Variants in FBXL7 observed in about 807,000 individuals in gnomAD.
FBXL7 encodes the protein F-box and leucine rich repeat protein 7, also known as F-box/LRR-repeat protein 7.
FBXL7 carries 12 observed loss-of-function variants against 38.3 expected under a neutral mutation model. The ratio of observed to expected loss-of-function variants is 0.31; its 90% CI spans 0.20 to 0.51. The LOEUF is 0.51. Ranked by LOEUF, FBXL7 falls within the 20% of genes least tolerant of loss-of-function variation. FBXL7 has a pLI of 0.98. For missense variants in FBXL7, 567 were observed against 676.4 expected (o/e 0.84, Z 1.79); for synonymous variants, 297 against 300.9 (o/e 0.99, Z 0.13).
At chr5:15,882,676 T>G (rs1022303029) in intron 2 of FBXL7, among the ~76,000 whole-genome samples, 2 of 152,190 alleles carry the variant, frequency 1.3e-5, no homozygotes, top group Admixed American at 6.5e-5. Flanking sequence ...CCAAATGGCC[T>G]TTAATGCAAG....
intron 2 of FBXL7, among the ~76,000 whole-genome samples, chr5:15,755,832 G>C (rs58734437): frequency 0.022 from 3,422 of 152,232 alleles, 87 homozygotes; most frequent in East Asian, 0.067. Flanking sequence ...ACCTGAGAAA[G>C]GCTGGCACTG....
chr5:15,769,435 C>T (rs552678647), intron 2 of FBXL7, among the ~76,000 whole-genome samples: 1 of 152,336 alleles, frequency 6.6e-6, no homozygotes, highest in Non-Finnish European at 1.5e-5. Flanking sequence ...CCATGCGCTA[C>T]TCATCTGAAG....
intron 1 of FBXL7, among the ~76,000 whole-genome samples, chr5:15,570,492 T>C (rs1051284064): frequency 6.6e-6 from 1 of 152,214 alleles, no homozygotes; most frequent in African/African-American, 2.4e-5. Context: ...TTCTTCCTTT[T>C]CTTCTTTATT....
At chr5:15,623,752 A>G (rs142400825) in intron 2 of FBXL7, among the ~76,000 whole-genome samples, 2 of 152,348 alleles carry the variant, frequency 1.3e-5, no homozygotes, top group African/African-American at 4.8e-5. Flanking sequence ...ACAATTCAAC[A>G]AACATTTTTG....
At chr5:15,659,199 T>G (rs1258930112) in intron 2 of FBXL7, among the ~76,000 whole-genome samples, 1 of 151,888 alleles carries the variant, frequency 6.6e-6, no homozygotes, top group Admixed American at 6.6e-5. Context: ...TGGGAGAAGA[T>G]AATTATAATC....
intron 2 of FBXL7, among the ~76,000 whole-genome samples, chr5:15,839,895 A>T (rs1044314718): frequency 5.3e-5 from 8 of 152,168 alleles, no homozygotes; most frequent in African/African-American, 1.7e-4. Flanking sequence ...CTGCTTAATA[A>T]AAGAAGAAAA....
At chr5:15,568,954 T>G (rs1392380668) in intron 1 of FBXL7, among the ~76,000 whole-genome samples, 1 of 152,228 alleles carries the variant, frequency 6.6e-6, no homozygotes, top group Admixed American at 6.5e-5. Flanking sequence ...TCTATATCTC[T>G]GTTTTGGTAC....
chr5:15,891,700 A>T (rs1056590815), intron 2 of FBXL7, among the ~76,000 whole-genome samples: 1 of 152,188 alleles, frequency 6.6e-6, no homozygotes. Context: ...TCTGGAGGTG[A>T]CCTCTGAGCC....
intron 2 of FBXL7, among the ~76,000 whole-genome samples, chr5:15,641,878 A>T (rs928749093): frequency 5.3e-5 from 8 of 151,624 alleles, no homozygotes; most frequent in African/African-American, 1.9e-4. Flanking sequence ...TTCAGCCTTC[A>T]TGTTATAATA....
chr5:15,508,857 C>A (rs1377379431), intron 1 of FBXL7, among the ~76,000 whole-genome samples: 1 of 151,970 alleles, frequency 6.6e-6, no homozygotes, highest in South Asian at 2.1e-4. Context: ...TACCAATTTT[C>A]TTTATTTCTT....
chr5:15,895,939 G>A (rs527310502), intron 2 of FBXL7, among the ~76,000 whole-genome samples: 24 of 151,588 alleles, frequency 1.6e-4, no homozygotes, highest in East Asian at 1.4e-3. Flanking sequence ...CCACCGGCCC[G>A]GCCCCTTTTT....
intron 1 of FBXL7, among the ~76,000 whole-genome samples, chr5:15,531,643 G>A (rs1737434743): frequency 1.3e-5 from 2 of 152,248 alleles, no homozygotes; most frequent in Middle Eastern, 3.4e-3. Context: ...ACTCTGAGTG[G>A]TTTCTTATAA....
At chr5:15,836,340 G>C (rs1738591267) in intron 2 of FBXL7, among the ~76,000 whole-genome samples, 1 of 152,130 alleles carries the variant, frequency 6.6e-6, no homozygotes, top group African/African-American at 2.4e-5. Context: ...CATGAAAAAT[G>C]AGACAAATTA....
At position 15,912,404 on chromosome 5, in the gene FBXL7, A is replaced by G. The variant is rs1174717392; in HGVS notation, c.128-15486A>G. Among the ~76,000 whole-genome samples, 17 of 141,816 alleles carry G rather than the reference A, an allele frequency of 1.2e-4. 1 individual carries two copies. The South Asian group carries it at 3.6e-3, about 30-fold the overall frequency. The allele number at this position is 141,816 out of a possible 152,430, so 93.0% of individuals were successfully genotyped here. ...CGGCTCGCGCACGGTGCGCACACAC[A>G]CTGGCCTGCGCCCACTGTCTGGCAC... On this transcript the variant is annotated intron_variant, in intron 2 of 3. Transcript: ENST00000504595.
At position 15,928,381 on chromosome 5, in the gene FBXL7, A is replaced by T; in HGVS notation, c.619A>T (p.Ile207Phe). The T allele has an allele frequency of 6.2e-7, 1 of 1,614,020 alleles. No individual in the cohort carries two copies. Among genetic ancestry groups the T allele is most frequent in the Non-Finnish European group, 8.5e-7 (1 of 1,179,892 alleles). ...GCTCACAGACCGAGGGCTGTACACC[A>T]TCGCCCAGTGCTGCCCCGAACTGAG... is the stretch of plus-strand genomic sequence containing the variant. ...RRLTDRGLYTIAQCCPELRRL... is the reference protein window; with the variant it reads ...RRLTDRGLYTFAQCCPELRRL... The change falls in exon 3 of 4, where the codon ATC (isoleucine) becomes TTC (phenylalanine). Residue 207 changes from isoleucine (I) to phenylalanine (F), a missense_variant. Coordinates refer to ENST00000504595, the MANE Select transcript of FBXL7 (RefSeq NM_012304.5). The surrounding 1 kb of genome is among the most constrained non-coding windows in gnomAD (Gnocchi z 4.0).
At chr5:15,685,396 T>C (rs968044781) in intron 2 of FBXL7, among the ~76,000 whole-genome samples, 1 of 152,060 alleles carries the variant, frequency 6.6e-6, no homozygotes, top group Non-Finnish European at 1.5e-5. Flanking sequence ...GATCTCAAGA[T>C]TGTATGAGGG....
chr5:15,515,290 C>T (rs774995134), intron 1 of FBXL7, among the ~76,000 whole-genome samples: 6 of 152,184 alleles, frequency 3.9e-5, no homozygotes, highest in Non-Finnish European at 8.8e-5. Context: ...AATTCAAATT[C>T]TGTGCACTAA....
intron 2 of FBXL7, among the ~76,000 whole-genome samples, chr5:15,800,150 G>A (rs1737524255): frequency 6.6e-6 from 1 of 152,184 alleles, no homozygotes; most frequent in Non-Finnish European, 1.5e-5. Context: ...CAGTTGTGAT[G>A]TAGGCATCAT....
chr5:15,533,108 T>C (rs1200619210), intron 1 of FBXL7, among the ~76,000 whole-genome samples: 1 of 152,104 alleles, frequency 6.6e-6, no homozygotes, highest in African/African-American at 2.4e-5. Flanking sequence ...AGTCTGAAGC[T>C]TGGGGAGAAA....
Sources: allele counts gnomAD v4.1 joint callset (sites outside exome capture counted in the v4.1 genomes callset), GRCh38; gene constraint gnomAD v4.1.1; non-coding constraint Gnocchi (gnomAD v3.1); transcripts MANE v1.5; gene names NCBI Gene and HGNC (gene_info 2026-07-23, HGNC 2026-07-21).